The following ANKFN1 variants were observed in gnomAD, a reference collection of about 807,000 sequenced individuals.
ANKFN1 encodes the protein ankyrin repeat and fibronectin type-III domain-containing protein 1.
Under a neutral mutation model 108.7 loss-of-function variants are expected in ANKFN1, and 74 were observed. The observed-to-expected ratio is 0.68, with a 90% confidence interval of 0.56 to 0.83. The LOEUF (loss-of-function observed/expected upper bound fraction) is 0.83. Ranked by LOEUF, ANKFN1 falls within the 40% of genes least tolerant of loss-of-function variation. The probability of loss-of-function intolerance (pLI) is 0.00; values close to 1 mark genes in which losing one functional copy is unlikely to be tolerated. For missense variants in ANKFN1, 1,505 were observed against 1,382.3 expected, an observed-to-expected ratio of 1.09 and a Z score of -1.41; for synonymous variants, 547 against 516.2, an observed-to-expected ratio of 1.06 and a Z score of -0.81.
Position 56,477,444 on chromosome 17 carries a change from GTTGTTTTC to G in ANKFN1, c.1774-33_1774-26del, listed in dbSNP as rs772431203. 8 of 1,494,716 alleles carry G rather than the reference GTTGTTTTC, an allele frequency of 5.4e-6. No individual in the cohort carries two copies. The East Asian group carries it at 1.7e-4, about 31-fold the overall frequency. The allele number at this position is 1,494,716 out of a possible 1,614,324, so 92.6% of individuals were successfully genotyped here. The stretch of plus-strand genomic sequence containing the variant: ...AAAAGGTTTTGAGATTGCCCTTCGA[GTTGTTTTC>G]TTGTTTTCTTTTTTTTTTTTTTTTT... On this transcript the variant is annotated intron_variant, in intron 15 of 20. Transcript: ENST00000682825.
intron 18 of ANKFN1, among the ~76,000 whole-genome samples, chr17:56,487,998 A>G (rs2050909031): frequency 6.6e-6 from 1 of 152,214 alleles, no homozygotes; most frequent in South Asian, 2.1e-4. Flanking sequence ...CTAAAAGTTT[A>G]AAAGATCAAA....
chr17:56,093,677 G>A (rs909819388), intron 4 of ANKFN1, among the ~76,000 whole-genome samples: 2 of 151,322 alleles, frequency 1.3e-5, no homozygotes, highest in African/African-American at 2.4e-5. Flanking sequence ...GTTTGCTTTC[G>A]CAAGTAAATG....
At chr17:56,065,694 A>C (rs1905049281) in intron 4 of ANKFN1, among the ~76,000 whole-genome samples, 1 of 152,210 alleles carries the variant, frequency 6.6e-6, no homozygotes, top group South Asian at 2.1e-4. Flanking sequence ...CAGTCAGAAC[A>C]CACACATTTG....
intron 3 of ANKFN1, among the ~76,000 whole-genome samples, chr17:56,263,496 G>A (rs2043573323): frequency 6.6e-6 from 1 of 152,160 alleles, no homozygotes; most frequent in Non-Finnish European, 1.5e-5. Context: ...AGTTCTTTCA[G>A]AACATCATTT....
chr17:56,513,278 T>C lies in ANKFN1; in HGVS notation c.*2009T>C, dbSNP rs1391165180. Among the ~76,000 whole-genome samples the C allele has an allele frequency of 2.0e-5, 3 of 152,240 alleles. No homozygotes were observed. Among genetic ancestry groups the C allele is most frequent in the Non-Finnish European group, 4.4e-5 (3 of 68,040 alleles). On this transcript the variant is annotated 3_prime_UTR_variant, in exon 21 of 21. Transcript: ENST00000682825. ...TACTTCTGATTTCAAATTCAACCTT[T>C]ACCTAACAAGTTTCCAATATTACAG... is the stretch of plus-strand genomic sequence containing the variant.
intron 3 of ANKFN1, among the ~76,000 whole-genome samples, chr17:56,261,611 G>C (rs952063008): frequency 6.6e-6 from 1 of 151,962 alleles, no homozygotes; most frequent in Admixed American, 6.6e-5. Context: ...AACTGTCTAA[G>C]AGTCCCAAAG....
At chr17:56,093,542 A>G (rs1037054406) in intron 4 of ANKFN1, among the ~76,000 whole-genome samples, 1 of 151,360 alleles carries the variant, frequency 6.6e-6, no homozygotes, top group Admixed American at 6.6e-5. Flanking sequence ...ATTTAGGAAT[A>G]CACGAAATGC....
intron 8 of ANKFN1, among the ~76,000 whole-genome samples, chr17:56,439,126 G>A (rs546887440): frequency 1.4e-4 from 21 of 152,304 alleles, no homozygotes; most frequent in African/African-American, 4.8e-4. Context: ...GAAAGCAAGC[G>A]AGATGCCCAG....
At chr17:56,108,139 G>A (rs1201962875) in intron 4 of ANKFN1, among the ~76,000 whole-genome samples, 7 of 152,196 alleles carry the variant, frequency 4.6e-5, no homozygotes, top group African/African-American at 1.4e-4. Context: ...AGGTTCAAGT[G>A]ATTCTCCTGC....
At chr17:56,092,150 A>T (rs1202125300) in intron 4 of ANKFN1, among the ~76,000 whole-genome samples, 7 of 151,480 alleles carry the variant, frequency 4.6e-5, no homozygotes, top group African/African-American at 1.7e-4. Flanking sequence ...GGTACAAATT[A>T]GAAATGGTCT....
chr17:56,094,457 GTTCTCA>G (rs1905478414), intron 4 of ANKFN1, among the ~76,000 whole-genome samples: 1 of 22,766 alleles, frequency 4.4e-5, no homozygotes. Context: ...TACTGTCTCA[GTTCTCA>G]GTTGTTTCTT....
intron 1 of ANKFN1, among the ~76,000 whole-genome samples, chr17:56,160,097 T>C (rs754948511): frequency 6.6e-6 from 1 of 152,206 alleles, no homozygotes; most frequent in African/African-American, 2.4e-5. Flanking sequence ...AAAGGGAGAT[T>C]AATACATGTG....
intron 8 of ANKFN1, among the ~76,000 whole-genome samples, chr17:56,435,151 A>G (rs2048892048): frequency 6.6e-6 from 1 of 152,144 alleles, no homozygotes; most frequent in South Asian, 2.1e-4. Context: ...CTCCGTTCTG[A>G]CACAGTTGTC....
intron 4 of ANKFN1, among the ~76,000 whole-genome samples, chr17:56,100,114 C>T (rs561059037): frequency 2.6e-5 from 4 of 152,338 alleles, no homozygotes; most frequent in African/African-American, 7.2e-5. Flanking sequence ...TAATTATTCT[C>T]TCCAATATTC....
Position 56,492,218 on chromosome 17 carries a change from T to C in ANKFN1, c.2292T>C (p.Ile764=), listed in dbSNP as rs2051061590. The part of the protein sequence containing the change: ...VHFCSYREKF[I]SLYCRLSAVV... ...TTTGCAGCTACAGAGAGAAATTTAT[T>C]AGTCTGTATTGCCGCCTTTCTGCTG... is the stretch of plus-strand genomic sequence containing the variant. The change falls in exon 19 of 21, where the codon ATT becomes ATC. Residue 764 remains isoleucine, a synonymous_variant. Coordinates refer to ENST00000682825, the MANE Select transcript of ANKFN1 (RefSeq NM_001370326.1). The C allele has an allele frequency of 1.4e-6, 1 of 701,950 alleles. No homozygotes were observed. The highest frequency in any genetic ancestry group is 2.6e-6 in the Non-Finnish European group (1 of 384,296). 43.5% of individuals were successfully genotyped at this position (701,950 alleles called of 1,614,324 possible). A position where few individuals can be genotyped will look rare whatever the true frequency, so the allele number is the denominator to read the frequency against.
intron 4 of ANKFN1, among the ~76,000 whole-genome samples, chr17:56,130,581 T>C (rs1907224003): frequency 6.6e-6 from 1 of 152,098 alleles, no homozygotes; most frequent in African/African-American, 2.4e-5. Context: ...TGCTAATTTA[T>C]TTGCATTTTG....
chr17:56,294,264 A>G (rs1229257431), intron 3 of ANKFN1, among the ~76,000 whole-genome samples: 1 of 152,142 alleles, frequency 6.6e-6, no homozygotes, highest in East Asian at 1.9e-4. Flanking sequence ...GTGGCTGGTA[A>G]TCAAGAAGAG....
chr17:56,274,428 G>A (rs573444874), intron 3 of ANKFN1, among the ~76,000 whole-genome samples: 6 of 152,064 alleles, frequency 3.9e-5, no homozygotes, highest in Non-Finnish European at 1.5e-5. Flanking sequence ...AGCTGAGATC[G>A]CGCCACTACA....
At chr17:56,451,055 G>C (rs1271631634) in intron 11 of ANKFN1, among the ~76,000 whole-genome samples, 2 of 152,146 alleles carry the variant, frequency 1.3e-5, no homozygotes, top group East Asian at 3.8e-4. Context: ...ATATACTCTG[G>C]ACACTTAAAC....
Sources: gnomAD v4.1 joint callset for allele counts (sites outside exome capture counted in the v4.1 genomes callset) on GRCh38, gnomAD v4.1.1 for gene constraint, MANE v1.5 for transcripts, NCBI Gene and HGNC (gene_info 2026-07-23, HGNC 2026-07-21) for gene names.